ASIC2: variants seen among roughly 807,000 people sequenced by gnomAD.
ASIC2 encodes acid-sensing ion channel 2.
Under a neutral mutation model 57.3 loss-of-function variants are expected in ASIC2, and 25 were observed. That is an observed-to-expected ratio of 0.44 (90% CI 0.32 to 0.61). The LOEUF is 0.61. Among genes scored for constraint, ASIC2 ranks in the 20% least tolerant of loss-of-function variants. The pLI is 0.06. For synonymous variants in ASIC2, 319 were observed against 307.5 expected (o/e 1.04, Z -0.39); for missense variants, 641 against 738.1 (o/e 0.87, Z 1.52).
At chr17:33,638,802 C>G (rs912514299) in intron 1 of ASIC2, among the ~76,000 whole-genome samples, 2 of 151,872 alleles carry the variant, frequency 1.3e-5, no homozygotes, top group Middle Eastern at 6.3e-3. Flanking sequence ...ACAGAATAAG[C>G]CAAAACTACC....
intron 1 of ASIC2, among the ~76,000 whole-genome samples, chr17:34,060,382 A>G (rs1482473911): frequency 2.0e-5 from 3 of 152,240 alleles, no homozygotes; most frequent in African/African-American, 7.2e-5. Context: ...GACAGAGCCT[A>G]TCCAAATGAG....
intron 1 of ASIC2, among the ~76,000 whole-genome samples, chr17:33,630,456 G>A (rs191324097): frequency 9.9e-5 from 15 of 152,124 alleles, no homozygotes; most frequent in African/African-American, 3.1e-4. Flanking sequence ...TGTCCTCCCC[G>A]GAGAAAGGAA....
At chr17:33,437,478 A>G (rs1345122395) in intron 1 of ASIC2, among the ~76,000 whole-genome samples, 1 of 152,180 alleles carries the variant, frequency 6.6e-6, no homozygotes, top group African/African-American at 2.4e-5. Context: ...AAGAAAACAT[A>G]TCTGTCAGGC....
intron 1 of ASIC2, among the ~76,000 whole-genome samples, chr17:34,147,877 T>C (rs924856359): frequency 1.3e-5 from 2 of 152,216 alleles, no homozygotes; most frequent in Non-Finnish European, 2.9e-5. Context: ...ACATATGGGC[T>C]GCTCTATGGA....
chr17:33,920,504 T>C (rs1915686131), intron 1 of ASIC2, among the ~76,000 whole-genome samples: 1 of 151,968 alleles, frequency 6.6e-6, no homozygotes, highest in Non-Finnish European at 1.5e-5. Flanking sequence ...GAGGTAAACA[T>C]TGGGTACATA....
intron 2 of ASIC2, among the ~76,000 whole-genome samples, chr17:33,105,470 C>G (rs941780986): frequency 6.6e-6 from 1 of 152,158 alleles, no homozygotes; most frequent in African/African-American, 2.4e-5. Flanking sequence ...TATGAATTAC[C>G]CAGTCTTGGT....
At chr17:33,920,988 T>G (rs1353615400) in intron 1 of ASIC2, among the ~76,000 whole-genome samples, 1 of 152,228 alleles carries the variant, frequency 6.6e-6, no homozygotes, top group Non-Finnish European at 1.5e-5. Flanking sequence ...TATGGGAGGA[T>G]TCAGGGAACC....
intron 1 of ASIC2, among the ~76,000 whole-genome samples, chr17:33,978,516 A>G (rs1905478221): frequency 6.6e-6 from 1 of 152,204 alleles, no homozygotes; most frequent in Non-Finnish European, 1.5e-5. Context: ...ACTTTCCTAT[A>G]CAGAGTCTGG....
At chr17:33,148,983 A>G (rs1904675304) in intron 1 of ASIC2, among the ~76,000 whole-genome samples, 1 of 152,098 alleles carries the variant, frequency 6.6e-6, no homozygotes, top group Admixed American at 6.5e-5. Context: ...AGTCCCAGTT[A>G]CTCAGGAGAC....
intron 1 of ASIC2, among the ~76,000 whole-genome samples, chr17:33,907,993 C>T (rs1353759797): frequency 6.6e-6 from 1 of 152,172 alleles, no homozygotes; most frequent in Non-Finnish European, 1.5e-5. Context: ...CACTGAATTT[C>T]AAGCTTCTTT....
intron 1 of ASIC2, among the ~76,000 whole-genome samples, chr17:33,277,997 G>A (rs1442642061): frequency 6.6e-6 from 1 of 152,122 alleles, no homozygotes; most frequent in African/African-American, 2.4e-5. Context: ...TCCAGTGTGG[G>A]AAGGAAGAAG....
chr17:33,760,169 A>T (rs1910738739), intron 1 of ASIC2, among the ~76,000 whole-genome samples: 1 of 152,206 alleles, frequency 6.6e-6, no homozygotes, highest in Non-Finnish European at 1.5e-5. Context: ...TGACTCAAAA[A>T]AAAATGGACT....
chr17:34,051,953 G>C (rs975956589), intron 1 of ASIC2, among the ~76,000 whole-genome samples: 4 of 151,858 alleles, frequency 2.6e-5, no homozygotes, highest in Non-Finnish European at 5.9e-5. Flanking sequence ...AGAACATCTT[G>C]CCCTAAAATG....
intron 1 of ASIC2, among the ~76,000 whole-genome samples, chr17:33,429,029 T>A (rs537352101): frequency 6.6e-6 from 1 of 152,264 alleles, no homozygotes; most frequent in Non-Finnish European, 1.5e-5. Context: ...CAGATGAAGA[T>A]GCTGAGGAGA....
intron 1 of ASIC2, among the ~76,000 whole-genome samples, chr17:33,175,023 A>G (rs1905689795): frequency 6.6e-6 from 1 of 151,930 alleles, no homozygotes; most frequent in African/African-American, 2.4e-5. Context: ...AAAATTTAAA[A>G]CCCTGAGCAA....
At chr17:33,881,105 G>A (rs1033545342) in intron 1 of ASIC2, among the ~76,000 whole-genome samples, 6 of 152,128 alleles carry the variant, frequency 3.9e-5, no homozygotes, top group East Asian at 1.9e-4. Flanking sequence ...TTGATAGGAC[G>A]TATCTCTAAA....
intron 1 of ASIC2, among the ~76,000 whole-genome samples, chr17:33,655,640 C>G (rs1428108986): frequency 6.6e-6 from 1 of 152,200 alleles, no homozygotes; most frequent in Non-Finnish European, 1.5e-5. Flanking sequence ...ATTACCCTGT[C>G]TAATCCATCC....
intron 1 of ASIC2, among the ~76,000 whole-genome samples, chr17:33,241,256 G>C (rs961442623): frequency 6.6e-6 from 1 of 152,226 alleles, no homozygotes; most frequent in Non-Finnish European, 1.5e-5. Context: ...CAGGATATTG[G>C]TTCTTGAACA....
chr17:33,124,982 T>C (rs546085476), intron 1 of ASIC2, among the ~76,000 whole-genome samples: 4 of 152,162 alleles, frequency 2.6e-5, no homozygotes, highest in Non-Finnish European at 5.9e-5. Context: ...CCTGTGAGAA[T>C]CTAATGCTGC....
Sources: gnomAD v4.1 joint callset for allele counts (sites outside exome capture counted in the v4.1 genomes callset) on GRCh38, gnomAD v4.1.1 for gene constraint, MANE v1.5 for transcripts, NCBI Gene and HGNC (gene_info 2026-07-23, HGNC 2026-07-21) for gene names.